Variants in GIGYF1 observed in about 807,000 individuals in gnomAD.
The protein encoded by GIGYF1 is GRB10 interacting GYF protein 1.
In GIGYF1, 84 loss-of-function variants were observed where a neutral mutation model predicts 147.1. That is an observed-to-expected ratio of 0.57 (90% CI 0.48 to 0.68). GIGYF1 has a LOEUF of 0.68. Among genes scored for constraint, GIGYF1 ranks in the 30% least tolerant of loss-of-function variants. The pLI is 0.00. For missense variants in GIGYF1, 1,485 were observed against 1,393.7 expected (o/e 1.07, Z -1.04); for synonymous variants, 752 against 589.5 (o/e 1.28, Z -3.99).
chr7:100,682,275 G>A, intron 24 of GIGYF1, 40 bp from the exon 25 acceptor site: 1 of 1,608,302 alleles, frequency 6.2e-7, no homozygotes, highest in Non-Finnish European at 8.5e-7. Context: ...CCCTGGCCGG[G>A]TCTGGAGACC....
chr7:100,687,666 T>TACC, intron 6 of GIGYF1, 50 bp from the exon 7 acceptor site: 1 of 1,337,992 alleles, frequency 7.5e-7, no homozygotes. Flanking sequence ...CCCAACCACC[T>TACC]CCACCCCCAC....
chr7:100,686,620 C>A (rs1424498820), intron 10 of GIGYF1, 29 bp downstream of exon 10: 1 of 1,590,366 alleles, frequency 6.3e-7, no homozygotes, highest in Non-Finnish European at 8.5e-7. Flanking sequence ...CCCACTGCCC[C>A]CGCCAATGCT....
rs1228182470 is a variant in GIGYF1 at position 100,682,725 on chromosome 7, C to T, written c.2465G>A (p.Gly822Glu). ...APLNQWVSEA[G>E]PLWGGPDKSG... ...CTTGTCTGGCCCGCCCCACAGTGGC[C>T]CAGCCTCAGACACCCACTGGTTCAG... The change falls in exon 23 of 27, where the codon GGG (glycine) becomes GAG (glutamate). Residue 822 changes from glycine to glutamate, a missense_variant. Gly to Glu is a moderately conservative substitution (Grantham distance 98). Transcript: ENST00000678049. The T allele has an allele frequency of 7.0e-6, 11 of 1,567,124 alleles. No individual in the cohort carries two copies. The highest frequency in any genetic ancestry group is 4.5e-5 in the East Asian group (2 of 44,510).
rs1226285485 is a variant in GIGYF1, at chr7:100,680,423, G to A, written c.*1296C>T. The stretch of plus-strand genomic sequence containing the variant: ...AAATGGGCGGAGACGAACCCAAGTA[G>A]GGGACCGGGAATAAGAAGTGGGTGA... On this transcript the variant is annotated 3_prime_UTR_variant, in exon 27 of 27. Transcript: ENST00000678049. 6.6e-6 allele frequency: 1 copy of A among 152,606 alleles called. No individual in the cohort carries two copies. The highest frequency in any genetic ancestry group is 2.4e-5 in the African/African-American group (1 of 41,446). The allele number at this position is 152,606 out of a possible 1,614,324, so 9.5% of individuals were successfully genotyped here.
rs1156383117 is a variant in GIGYF1, at chr7:100,683,913, C to A, written c.1874G>T (p.Gly625Val). The A allele has an allele frequency of 6.4e-7, 1 of 1,555,598 alleles. No homozygotes were observed. The highest frequency in any genetic ancestry group is 1.4e-5 in the African/African-American group (1 of 73,474). ...QLQALKPPRGGDQNLLPTMSR... is the reference protein window; with the variant it reads ...QLQALKPPRGVDQNLLPTMSR... ...CATCGTCGGGAGCAGGTTCTGGTCC[C>A]CGCCTCTGAGGAGCAAATTGTGGAT... The change falls in exon 19 of 27, where the codon GGG becomes GTG. Residue 625 changes from glycine (G) to valine (V), a missense_variant. Physicochemically the swap from Gly to Val is moderately radical, Grantham distance 109. Coordinates refer to ENST00000678049, the MANE Select transcript of GIGYF1 (RefSeq NM_001375765.1).
chr7:100,680,192 CCAA>C lies in GIGYF1; in HGVS notation c.*1524_*1526del, dbSNP rs772793165. 236 of 105,634 alleles carry C rather than the reference CCAA, an allele frequency of 2.2e-3. 2 individuals carry two copies. Among genetic ancestry groups the C allele is most frequent in the South Asian group, 2.0e-3 (7 of 3,466 alleles). The allele number at this position is 105,634 out of a possible 1,614,324, so 6.5% of individuals were successfully genotyped here. A position where few individuals can be genotyped will look rare whatever the true frequency, so the allele number is the denominator to read the frequency against. The stretch of plus-strand genomic sequence containing the variant: ...AAAAAAAAAAAAAAAAAAAAAAAAT[CCAA>C]CAACAGAAAACCAAACACCATCTTT... On this transcript the variant is annotated 3_prime_UTR_variant, in exon 27 of 27. Coordinates refer to ENST00000678049, the MANE Select transcript of GIGYF1 (RefSeq NM_001375765.1).
chr7:100,685,553 A>T (rs1805242277), intron 12 of GIGYF1, 72 bp from the exon 13 acceptor site: 1 of 1,548,090 alleles, frequency 6.5e-7, no homozygotes, highest in Admixed American at 2.2e-5. Context: ...CAAGCCCTTG[A>T]GTGTGGCTGG....
rs1459348990 is a variant in GIGYF1, at chr7:100,681,019, CAG to C, written c.*698_*699del. 6.5e-6 allele frequency: 1 copy of C among 152,732 alleles called. No homozygotes were observed. The highest frequency in any genetic ancestry group is 1.5e-5 in the Non-Finnish European group (1 of 68,108). 9.5% of individuals were successfully genotyped at this position (152,732 alleles called of 1,614,324 possible). The stretch of plus-strand genomic sequence containing the variant: ...TACTCGGCCAGCACAAGATGGCAGC[CAG>C]AGAGCTGGGGCCACTCGTCCAATTT... On this transcript the variant is annotated 3_prime_UTR_variant, in exon 27 of 27. Coordinates refer to ENST00000678049, the MANE Select transcript of GIGYF1 (RefSeq NM_001375765.1).
At chr7:100,686,485 CG>C (rs776830849) in intron 10 of GIGYF1, 52 bp from the exon 11 acceptor site, 2 of 1,535,060 alleles carry the variant, frequency 1.3e-6, no homozygotes, top group Admixed American at 1.9e-5. Context: ...GCGAAGCCAG[CG>C]GCCCCCTCTG....
intron 1 of GIGYF1, among the ~76,000 whole-genome samples, chr7:100,693,132 C>G (rs1270672874): frequency 6.6e-6 from 1 of 151,350 alleles, no homozygotes. Flanking sequence ...GCTTGGGTGG[C>G]TGGAAAAAAA....
intron 12 of GIGYF1, among the ~76,000 whole-genome samples, 176 bp from the exon 13 acceptor site, chr7:100,685,657 T>A (rs886145748): frequency 2.0e-5 from 3 of 152,154 alleles, no homozygotes; most frequent in African/African-American, 7.2e-5. Context: ...GACCCTCGCC[T>A]CCACGCTGCC....
At position 100,685,097 on chromosome 7, in the gene GIGYF1, G is replaced by C; in HGVS notation, c.1242C>G (p.Gly414=). The C allele has an allele frequency of 6.3e-7, 1 of 1,581,410 alleles. No individual in the cohort carries two copies. The highest frequency in any genetic ancestry group is 1.8e-5 in the Admixed American group (1 of 55,172). The change falls in exon 14 of 27, where the codon GGC becomes GGG. Residue 414 remains glycine (G), a synonymous_variant. Coordinates refer to ENST00000678049, the MANE Select transcript of GIGYF1 (RefSeq NM_001375765.1). Reference sequence around the variant, plus strand: ...CATCATCCTCCAGATCTCCGGGTGGGCCAGCAGAGGAGCCCACCCCGGGAC... The same window carrying C: ...CATCATCCTCCAGATCTCCGGGTGGCCCAGCAGAGGAGCCCACCCCGGGAC... ...QLSPGVGSSA[G]PPGDLEDDEG... is the part of the protein sequence containing the mutation.
chr7:100,685,083 A>G lies in GIGYF1; in HGVS notation c.1256T>C (p.Leu419Pro). ...VGSSAGPPGD[L>P]EDDEGLKHLQ... The stretch of plus-strand genomic sequence containing the variant: ...GTGCTTCAAGCCTTCATCATCCTCC[A>G]GATCTCCGGGTGGGCCAGCAGAGGA... Residue 419 changes from leucine (L) to proline (P), a missense_variant, in exon 14 of 27, where the codon CTG (leucine) becomes CCG (proline). Physicochemically the swap from Leu to Pro is moderately conservative, Grantham distance 98 (BLOSUM62 -3). Transcript: ENST00000678049. 1.3e-6 allele frequency: 2 copies of G among 1,578,038 alleles called. No individual in the cohort carries two copies. The highest frequency in any genetic ancestry group is 1.7e-6 in the Non-Finnish European group (2 of 1,160,860).
At chr7:100,684,953 G>A (rs566126722) in intron 14 of GIGYF1, 59 bp from the exon 15 acceptor site, 91 of 1,586,952 alleles carry the variant, frequency 5.7e-5, no homozygotes, top group Non-Finnish European at 7.5e-5. Context: ...ATCAGGATGG[G>A]GATGGGGATG....
rs747198131 is a variant in GIGYF1, at chr7:100,693,498, G to C, written c.-1099+612C>G. 4.9e-4 allele frequency among the ~76,000 whole-genome samples: 74 copies of C among 152,180 alleles called. 1 individual carries two copies. Among genetic ancestry groups the C allele is most frequent in the Non-Finnish European group, 9.7e-4 (66 of 68,022 alleles). On this transcript the variant is annotated intron_variant, in intron 1 of 26. Transcript: ENST00000678049. Reference sequence around the variant, plus strand: ...AAGATCGCCGGAGCGAAAGGAAACAGAGGTGAGGAGGACCCAGGCGAGGTG... The same window carrying C: ...AAGATCGCCGGAGCGAAAGGAAACACAGGTGAGGAGGACCCAGGCGAGGTG...
intron 1 of GIGYF1, among the ~76,000 whole-genome samples, chr7:100,690,507 C>T (rs913832928): frequency 5.3e-5 from 8 of 152,146 alleles, no homozygotes; most frequent in Admixed American, 1.3e-4. Flanking sequence ...AGTGGCCAGG[C>T]GTGGTGGTTC....
rs770770471 is a variant in GIGYF1, at chr7:100,683,058, G to C, written c.2366C>G (p.Pro789Arg). The change falls in exon 22 of 27, where the codon CCC becomes CGC. Residue 789 changes from proline to arginine, a missense_variant. Pro to Arg is a moderately radical substitution (Grantham distance 103). Coordinates refer to ENST00000678049, the MANE Select transcript of GIGYF1 (RefSeq NM_001375765.1). ...LEGERQLHKQ[P>R]PPREPARAQA... ...GGCCCGAGCTGGCTCCCGAGGTGGGGGCTGTTTGTGCAGCTGCCGCTCGCC... is the reference window on the plus strand; with the variant it reads ...GGCCCGAGCTGGCTCCCGAGGTGGGCGCTGTTTGTGCAGCTGCCGCTCGCC... 4 of 1,575,972 alleles carry C rather than the reference G, an allele frequency of 2.5e-6. No individual in the cohort carries two copies. In the African/African-American group the frequency reaches 5.4e-5, roughly 21 times the overall value.
intron 3 of GIGYF1, 27 bp downstream of exon 3, chr7:100,688,424 G>C: frequency 1.4e-6 from 1 of 698,060 alleles, no homozygotes; most frequent in Non-Finnish European, 2.6e-6. Context: ...CTAGCTGGTG[G>C]GTCACCTGGG....
Position 100,688,865 on chromosome 7 carries a change from C to G in GIGYF1, c.-408G>C, listed in dbSNP as rs941399860. 2 of 176,908 alleles carry G rather than the reference C, an allele frequency of 1.1e-5. No individual in the cohort carries two copies. Among genetic ancestry groups the G allele is most frequent in the African/African-American group, 4.7e-5 (2 of 42,308 alleles). The allele number at this position is 176,908 out of a possible 1,614,324, so 11.0% of individuals were successfully genotyped here. On this transcript the variant is annotated 5_prime_UTR_variant, in exon 2 of 27. Coordinates refer to ENST00000678049, the MANE Select transcript of GIGYF1 (RefSeq NM_001375765.1). The stretch of plus-strand genomic sequence containing the variant: ...CGCCACCCTCTCTGGGAGGCTGAGA[C>G]AGGAGGTGTAGTGAAGAACTCGGGG...
Sources: gnomAD v4.1 joint callset for allele counts (sites outside exome capture counted in the v4.1 genomes callset) on GRCh38, gnomAD v4.1.1 for gene constraint, MANE v1.5 for transcripts, NCBI Gene and HGNC (gene_info 2026-07-23, HGNC 2026-07-21) for gene names.